NFIB: variants seen among roughly 807,000 people sequenced by gnomAD.
NFIB encodes nuclear factor 1 B-type.
A neutral mutation model predicts 61.5 loss-of-function variants in NFIB; 11 were observed. The observed-to-expected ratio is 0.18, with a 90% CI of 0.11 to 0.30. The LOEUF (loss-of-function observed/expected upper bound fraction) is 0.30. Ranked by LOEUF, NFIB falls within the 10% of genes least tolerant of loss-of-function variation. NFIB has a pLI of 1.00. For missense variants in NFIB, 471 were observed against 608.9 expected, an observed-to-expected ratio of 0.77 and a Z score of 2.38; for synonymous variants, 260 against 216.5, an observed-to-expected ratio of 1.20 and a Z score of -1.76.
At chr9:14,378,062 A>T (rs891572954) in intron 1 of NFIB, among the ~76,000 whole-genome samples, 2 of 152,186 alleles carry the variant, frequency 1.3e-5, no homozygotes, top group African/African-American at 2.4e-5. Flanking sequence ...GCTCCACACC[A>T]GCTGAGGGTG....
chr9:14,273,692 T>C (rs1235407760), intron 2 of NFIB, among the ~76,000 whole-genome samples: 3 of 152,208 alleles, frequency 2.0e-5, no homozygotes, highest in African/African-American at 4.8e-5. Flanking sequence ...GAGGGCTACA[T>C]AAAATTCAGC....
In NFIB at chr9:14,344,249, G is replaced by C. The variant is rs146084169; in HGVS notation, c.109-36729C>G. On this transcript the variant is annotated intron_variant, in intron 1 of 8. Transcript: ENST00000380934. ...AGGCACACACAGAGAGAGTCACACA[G>C]AGAGAAAGACAGAAAGGGCCGAGAG... is the stretch of plus-strand genomic sequence containing the variant. Among the ~76,000 whole-genome samples, 118 of 152,088 alleles carry C rather than the reference G, an allele frequency of 7.8e-4. 1 individual carries two copies. The East Asian group carries it at 0.021, about 27-fold the overall frequency.
the NFIB span, among the ~76,000 whole-genome samples, chr9:14,515,623 C>T: frequency 6.6e-6 from 1 of 152,142 alleles, no homozygotes; most frequent in Middle Eastern, 3.2e-3. Context: ...GTGACAAGTT[C>T]TTGGTGTGAT....
intron 1 of NFIB, among the ~76,000 whole-genome samples, chr9:14,366,526 A>G (rs1475247373): frequency 2.0e-5 from 3 of 151,878 alleles, no homozygotes; most frequent in African/African-American, 7.3e-5. Flanking sequence ...TGCTCTGTCA[A>G]CCAGGCTGGA....
the NFIB span, among the ~76,000 whole-genome samples, chr9:14,495,446 C>CTTTTTTTTTTTTTTTTTTTTTTTT: frequency 6.0e-5 from 7 of 117,262 alleles, 1 homozygote; most frequent in African/African-American, 2.3e-4. Flanking sequence ...GAGAAATGAA[C>CTTTTTTTTTTTTTTTTTTTTTTTT]TTTTTTTTTT....
At chr9:14,104,962 CA>C (rs2036336700) in intron 10 of NFIB, among the ~76,000 whole-genome samples, 2 of 152,020 alleles carry the variant, frequency 1.3e-5, no homozygotes, top group Admixed American at 6.6e-5. Context: ...TTCACAAAGC[CA>C]GGGGAATCTA....
intron 1 of NFIB, among the ~76,000 whole-genome samples, chr9:14,379,941 C>T (rs1221131827): frequency 6.6e-6 from 1 of 152,046 alleles, no homozygotes; most frequent in African/African-American, 2.4e-5. Context: ...CTTCAGCCTC[C>T]CAAAGTACTG....
chr9:14,412,677 G>A, the NFIB span, among the ~76,000 whole-genome samples: 4 of 152,088 alleles, frequency 2.6e-5, no homozygotes, highest in Non-Finnish European at 4.4e-5. Context: ...CAACTCTCAG[G>A]GAGAAGGAAG....
chr9:14,317,131 C>A (rs2060561924), upstream of NFIB: 1 of 152,152 alleles, frequency 6.6e-6, no homozygotes, highest in South Asian at 2.1e-4. Flanking sequence ...CAGGGCTGAG[C>A]CCTGGGCAAG....
rs75145466 is a variant in NFIB, at chr9:14,183,200, C to A, written c.563-3420G>T. ...AGAAGTGTGTGCCTACCTGAGAAAT[C>A]CTGTGTAAATGCTTTCACCCCTCAT... On this transcript the variant is annotated intron_variant, in intron 2 of 10. Coordinates refer to ENST00000380953, the MANE Select transcript of NFIB (RefSeq NM_001190737.2). 1.6e-4 allele frequency among the ~76,000 whole-genome samples: 25 copies of A among 152,156 alleles called. No homozygotes were observed. In the East Asian group the frequency reaches 4.5e-3, roughly 27 times the overall value.
intron 3 of NFIB, among the ~76,000 whole-genome samples, chr9:14,167,187 C>T (rs565657582): frequency 6.6e-6 from 1 of 151,622 alleles, no homozygotes; most frequent in East Asian, 1.9e-4. Flanking sequence ...TAGACGAAAC[C>T]TTTGGGATTA....
rs987264364 is a variant in NFIB at position 14,087,493 on chromosome 9, T to A, written c.*816A>T. ...TATTATATTAATTTTTACTGTTGCA[T>A]GCAGAGAGAACACTTCACCTACATA... On this transcript the variant is annotated 3_prime_UTR_variant, in exon 11 of 11. Coordinates refer to ENST00000380953, the MANE Select transcript of NFIB (RefSeq NM_001190737.2). 8.0e-5 allele frequency: 18 copies of A among 225,448 alleles called. No homozygotes were observed. Among genetic ancestry groups the A allele is most frequent in the African/African-American group, 3.6e-4 (16 of 44,854 alleles). The allele number at this position is 225,448 out of a possible 1,614,324, so 14.0% of individuals were successfully genotyped here. A position where few individuals can be genotyped will look rare whatever the true frequency, so the allele number is the denominator to read the frequency against.
intron 2 of NFIB, among the ~76,000 whole-genome samples, chr9:14,218,432 C>A (rs975759630): frequency 4.6e-5 from 7 of 152,096 alleles, no homozygotes; most frequent in African/African-American, 1.7e-4. Flanking sequence ...TCTAAGCCAA[C>A]ACAGCTTTTA....
chr9:14,194,038 C>A (rs1288416898), intron 2 of NFIB, among the ~76,000 whole-genome samples: 1 of 152,014 alleles, frequency 6.6e-6, no homozygotes, highest in East Asian at 1.9e-4. Context: ...ACAGTCACCA[C>A]CAAACATCAT....
the NFIB span, among the ~76,000 whole-genome samples, chr9:14,458,394 A>G: frequency 3.3e-5 from 5 of 152,262 alleles, no homozygotes; most frequent in Non-Finnish European, 7.3e-5. Flanking sequence ...TTTATGACAA[A>G]CCCACAGCCA....
upstream of NFIB, among the ~76,000 whole-genome samples, chr9:14,403,347 C>G (rs957814497): frequency 1.3e-5 from 2 of 152,182 alleles, no homozygotes; most frequent in African/African-American, 4.8e-5. Context: ...TGCCAGGTGG[C>G]CATGCTCCCG....
intron 6 of NFIB, among the ~76,000 whole-genome samples, chr9:14,128,671 C>T (rs999816686): frequency 8.2e-5 from 12 of 146,906 alleles, no homozygotes; most frequent in East Asian, 2.0e-4. Flanking sequence ...GCACTCCAGC[C>T]GCGACAAGAA....
chr9:14,458,685 CAATGTACAAA>C, the NFIB span, among the ~76,000 whole-genome samples: 1 of 152,166 alleles, frequency 6.6e-6, no homozygotes, highest in Non-Finnish European at 1.5e-5. Context: ...CATACAAAAT[CAATGTACAAA>C]AATCACAAGC....
intron 1 of NFIB, among the ~76,000 whole-genome samples, chr9:14,353,400 G>A (rs1199723676): frequency 6.6e-6 from 1 of 152,136 alleles, no homozygotes; most frequent in Non-Finnish European, 1.5e-5. Context: ...GAGAACAAAT[G>A]GTGGACCACT....
Sources: allele counts gnomAD v4.1 joint callset (sites outside exome capture counted in the v4.1 genomes callset), GRCh38; gene constraint gnomAD v4.1.1; transcripts MANE v1.5; gene names NCBI Gene and HGNC (gene_info 2026-07-23, HGNC 2026-07-21).